KCNMA1: variants seen among roughly 807,000 people sequenced by gnomAD.
KCNMA1 encodes potassium calcium-activated channel subfamily M alpha 1, also known as Calcium-activated potassium channel subunit alpha-1.
KCNMA1 carries 29 observed loss-of-function variants against 140.0 expected under a neutral mutation model. The observed-to-expected ratio is 0.21, with a 90% confidence interval of 0.15 to 0.28. The LOEUF is 0.28. Ranked by LOEUF, KCNMA1 falls within the 10% of genes least tolerant of loss-of-function variation. KCNMA1 has a pLI of 1.00. For missense variants in KCNMA1, 880 were observed against 1,602.2 expected (o/e 0.55, Z 7.70); for synonymous variants, 612 against 611.9 (o/e 1.00, Z 0.00).
chr10:77,087,427 CCTGA>C (rs1355321876), intron 10 of KCNMA1, among the ~76,000 whole-genome samples: 3 of 152,076 alleles, frequency 2.0e-5, no homozygotes, highest in Non-Finnish European at 4.4e-5. Flanking sequence ...ACTGGAGAGC[CCTGA>C]CTAATACAAT....
At chr10:77,275,438 C>G (rs1307548970) in intron 2 of KCNMA1, among the ~76,000 whole-genome samples, 2 of 152,160 alleles carry the variant, frequency 1.3e-5, no homozygotes, top group African/African-American at 2.4e-5. Context: ...GCAAGGTCAC[C>G]TAGTCGTAAG....
intron 6 of KCNMA1, among the ~76,000 whole-genome samples, chr10:77,113,357 A>G (rs532105343): frequency 6.6e-6 from 1 of 152,328 alleles, no homozygotes; most frequent in Admixed American, 6.5e-5. Flanking sequence ...CTTCTAATGT[A>G]TAATTGACAC....
intron 3 of KCNMA1, among the ~76,000 whole-genome samples, chr10:77,247,634 T>C (rs1565476393): frequency 6.6e-6 from 1 of 152,122 alleles, no homozygotes; most frequent in South Asian, 2.1e-4. Context: ...GGAGTCCTTT[T>C]AAAAAGAATG....
At chr10:77,488,516 A>G (rs750208720) in intron 1 of KCNMA1, among the ~76,000 whole-genome samples, 9 of 152,184 alleles carry the variant, frequency 5.9e-5, no homozygotes, top group Non-Finnish European at 8.8e-5. Flanking sequence ...CTGAGCCAGC[A>G]TCCCCTTCTG....
intron 25 of KCNMA1, among the ~76,000 whole-genome samples, chr10:76,896,879 T>A (rs1474037335): frequency 1.3e-5 from 2 of 151,966 alleles, no homozygotes; most frequent in Non-Finnish European, 2.9e-5. Flanking sequence ...AACCACTGAA[T>A]CGTACACTTT....
At chr10:77,331,365 T>G (rs891300749) in intron 2 of KCNMA1, among the ~76,000 whole-genome samples, 1 of 152,208 alleles carries the variant, frequency 6.6e-6, no homozygotes, top group African/African-American at 2.4e-5. Flanking sequence ...GTGAAACATA[T>G]GAATTTCCAT....
At chr10:77,579,664 A>G (rs1296960572) in intron 1 of KCNMA1, among the ~76,000 whole-genome samples, 1 of 152,164 alleles carries the variant, frequency 6.6e-6, no homozygotes, top group Non-Finnish European at 1.5e-5. Flanking sequence ...TAAGAAAAAG[A>G]AAGACAAGAT....
chr10:77,474,203 T>TGA (rs1446880830), intron 1 of KCNMA1, among the ~76,000 whole-genome samples: 3 of 152,110 alleles, frequency 2.0e-5, no homozygotes, highest in Non-Finnish European at 4.4e-5. Flanking sequence ...CGGCATGATG[T>TGA]GAGAGAGAGT....
chr10:77,543,315 C>A (rs935738221), intron 1 of KCNMA1, among the ~76,000 whole-genome samples: 8 of 152,138 alleles, frequency 5.3e-5, no homozygotes, highest in Non-Finnish European at 8.8e-5. Context: ...CAAACTGGAG[C>A]TGACACCATG....
At chr10:77,008,082 G>A in intron 18 of KCNMA1, 2 of 1,198,338 alleles carry the variant, frequency 1.7e-6, no homozygotes, top group Non-Finnish European at 1.2e-6. Flanking sequence ...AATACCAAAA[G>A]TAAAAGGGAA....
At chr10:77,597,191 A>G (rs1296525904) in intron 1 of KCNMA1, among the ~76,000 whole-genome samples, 1 of 152,168 alleles carries the variant, frequency 6.6e-6, no homozygotes, top group East Asian at 1.9e-4. Context: ...AAATTATGGT[A>G]CCTCTATACC....
intron 19 of KCNMA1, chr10:76,980,078 T>C (rs1407875552): frequency 1.3e-5 from 2 of 152,174 alleles, no homozygotes. Context: ...TTTATAATGC[T>C]AGTGTATGGT....
Position 76,886,656 on chromosome 10 carries a change from A to C in KCNMA1, c.*610T>G. ...TGGTGAGTAACTAAAAAAATCACTG[A>C]TGTTCTCTTGCAACAAGCAGGTCCT... is the stretch of plus-strand genomic sequence containing the variant. On this transcript the variant is annotated 3_prime_UTR_variant, in exon 28 of 28. Coordinates refer to ENST00000286628, the MANE Select transcript of KCNMA1 (RefSeq NM_001161352.2). 1 of 992,182 alleles carries C rather than the reference A, an allele frequency of 1.0e-6. No homozygotes were observed. Among genetic ancestry groups the C allele is most frequent in the Non-Finnish European group, 1.2e-6 (1 of 833,910 alleles). 61.5% of individuals were successfully genotyped at this position (992,182 alleles called of 1,614,324 possible). A position where few individuals can be genotyped will look rare whatever the true frequency, so the allele number is the denominator to read the frequency against.
chr10:77,139,874 G>A (rs1044154681), intron 5 of KCNMA1, among the ~76,000 whole-genome samples: 4 of 151,988 alleles, frequency 2.6e-5, no homozygotes, highest in Admixed American at 1.3e-4. Context: ...GACAGAAAAT[G>A]AGCCACAACT....
intron 3 of KCNMA1, among the ~76,000 whole-genome samples, chr10:77,237,497 C>A (rs482422): frequency 0.79 from 120,932 of 152,140 alleles, 48,727 homozygotes; most frequent in East Asian, 0.94. Context: ...TCACTCTGTC[C>A]CTCAGGCTGG....
At chr10:77,565,805 C>G (rs181229184) in intron 1 of KCNMA1, among the ~76,000 whole-genome samples, 2 of 152,160 alleles carry the variant, frequency 1.3e-5, no homozygotes, top group East Asian at 1.9e-4. Flanking sequence ...TCTGGAGACG[C>G]AAACCCTAGC....
rs1280097539 is a variant in KCNMA1 at position 77,073,235 on chromosome 10, G to T, written c.1611C>A (p.Ile537=). The change falls in exon 14 of 28, where the codon ATC becomes ATA. Residue 537 remains isoleucine, a synonymous_variant. Coordinates refer to ENST00000286628, the MANE Select transcript of KCNMA1 (RefSeq NM_001161352.2). ...QYHNKAHLLN[I]PSWNWKEGDD... is the part of the protein sequence containing the mutation. Reference sequence around the variant, plus strand: ...CACCTTCTTTCCAATTCCAGCTCGGGATGTTTAGCAGATGGGCCTGGGGAA... The same window carrying T: ...CACCTTCTTTCCAATTCCAGCTCGGTATGTTTAGCAGATGGGCCTGGGGAA... 1 of 1,614,092 alleles carries T rather than the reference G, an allele frequency of 6.2e-7. No homozygotes were observed. The highest frequency in any genetic ancestry group is 8.5e-7 in the Non-Finnish European group (1 of 1,180,032).
intron 25 of KCNMA1, among the ~76,000 whole-genome samples, chr10:76,909,589 A>G (rs1265661657): frequency 1.3e-5 from 2 of 152,004 alleles, no homozygotes; most frequent in African/African-American, 4.8e-5. Flanking sequence ...GTCCCCCCCA[A>G]CACCAGGTTT....
intron 25 of KCNMA1, among the ~76,000 whole-genome samples, chr10:76,897,011 T>TACATACAC (rs1554880631): frequency 2.8e-5 from 4 of 142,718 alleles, no homozygotes; most frequent in Non-Finnish European, 6.1e-5. Flanking sequence ...AGGTGAAAAT[T>TACATACAC]ACACACACAC....
Sources: gnomAD v4.1 joint callset for allele counts (sites outside exome capture counted in the v4.1 genomes callset) on GRCh38, gnomAD v4.1.1 for gene constraint, MANE v1.5 for transcripts, NCBI Gene and HGNC (gene_info 2026-07-23, HGNC 2026-07-21) for gene names.